FGD4: variants seen among roughly 807,000 people sequenced by gnomAD.
FGD4 encodes FYVE, RhoGEF and PH domain-containing protein 4.
FGD4 carries 42 observed loss-of-function variants against 102.0 expected under a neutral mutation model. The ratio of observed to expected loss-of-function variants is 0.41; its 90% CI spans 0.32 to 0.53. The LOEUF is 0.53. Ranked by LOEUF, FGD4 falls within the 20% of genes least tolerant of loss-of-function variation. The pLI is 0.21. For missense variants in FGD4, 902 were observed against 1,078.2 expected (o/e 0.84, Z 2.29); for synonymous variants, 380 against 375.7 (o/e 1.01, Z -0.13).
chr12:32,586,128 A>G (rs150168513), intron 4 of FGD4, among the ~76,000 whole-genome samples: 1 of 152,336 alleles, frequency 6.6e-6, no homozygotes. Flanking sequence ...GATTTAGAAG[A>G]GTAAGCTAAG....
intron 1 of FGD4, among the ~76,000 whole-genome samples, chr12:32,488,118 C>T (rs1943968110): frequency 6.8e-6 from 1 of 147,784 alleles, no homozygotes; most frequent in Admixed American, 6.8e-5. Context: ...GCTAGTTTTT[C>T]TTTGTTTTAT....
intron 1 of FGD4, among the ~76,000 whole-genome samples, chr12:32,404,023 A>G (rs979940609): frequency 4.6e-5 from 7 of 151,610 alleles, no homozygotes; most frequent in African/African-American, 1.7e-4. Flanking sequence ...GTTCCTGGCA[A>G]TGACTTTGCC....
At chr12:32,565,704 C>T (rs915539285) in intron 2 of FGD4, among the ~76,000 whole-genome samples, 1 of 152,096 alleles carries the variant, frequency 6.6e-6, no homozygotes, top group Non-Finnish European at 1.5e-5. Flanking sequence ...CCAAAATAAT[C>T]CCCTTTTTAA....
intron 4 of FGD4, among the ~76,000 whole-genome samples, chr12:32,593,351 C>T (rs1947634014): frequency 6.6e-6 from 1 of 152,130 alleles, no homozygotes; most frequent in East Asian, 1.9e-4. Flanking sequence ...TCCCAAAATC[C>T]CTAGTAACTT....
Position 32,564,167 on chromosome 12 carries a change from T to C in FGD4, c.197T>C (p.Val66Ala). The C allele has an allele frequency of 1.3e-6, 2 of 1,536,120 alleles. No homozygotes were observed. The highest frequency in any genetic ancestry group is 1.7e-6 in the Non-Finnish European group (2 of 1,146,900). The change falls in exon 2 of 17, where the codon GTT (valine) becomes GCT (alanine). Residue 66 changes from valine (V) to alanine (A), a missense_variant. Transcript: ENST00000534526. ...GSSTCPKIALVPPCSTSSTTT... is the reference protein window; with the variant it reads ...GSSTCPKIALAPPCSTSSTTT... ...AGTACCTGTCCAAAGATCGCTTTAG[T>C]TCCACCTTGCTCCACAAGCAGCACA...
chr12:32,419,147 G>A (rs1379829305), intron 1 of FGD4, among the ~76,000 whole-genome samples: 2 of 152,124 alleles, frequency 1.3e-5, no homozygotes, highest in Non-Finnish European at 2.9e-5. Flanking sequence ...GCCTAGGCCT[G>A]GACTCAGTGA....
chr12:32,530,775 G>C (rs1941708689), intron 1 of FGD4, among the ~76,000 whole-genome samples: 1 of 151,886 alleles, frequency 6.6e-6, no homozygotes, highest in South Asian at 2.1e-4. Flanking sequence ...ATAATGTATG[G>C]GGAATTAATT....
At chr12:32,581,036 T>C (rs1018196135) in intron 3 of FGD4, among the ~76,000 whole-genome samples, 12 of 152,272 alleles carry the variant, frequency 7.9e-5, no homozygotes, top group Admixed American at 5.2e-4. Flanking sequence ...GAGTTAGTGA[T>C]GGAGAGTGCT....
intron 1 of FGD4, among the ~76,000 whole-genome samples, chr12:32,529,820 G>A (rs1172576012): frequency 1.4e-5 from 2 of 148,144 alleles, no homozygotes; most frequent in African/African-American, 5.0e-5. Context: ...TCCAGCATGG[G>A]TGACAGAGTG....
chr12:32,502,637 G>T (rs565217698), intron 1 of FGD4, among the ~76,000 whole-genome samples: 44 of 152,264 alleles, frequency 2.9e-4, no homozygotes, highest in African/African-American at 7.2e-4. Flanking sequence ...AATTACACTG[G>T]TATTCTTTCT....
intron 4 of FGD4, among the ~76,000 whole-genome samples, chr12:32,586,526 G>C (rs1947046483): frequency 6.6e-6 from 1 of 152,122 alleles, no homozygotes; most frequent in East Asian, 1.9e-4. Flanking sequence ...ATATTATCTG[G>C]CCTCAGAAAC....
intron 1 of FGD4, among the ~76,000 whole-genome samples, chr12:32,437,631 A>T (rs1157868943): frequency 6.6e-6 from 1 of 152,234 alleles, no homozygotes; most frequent in Non-Finnish European, 1.5e-5. Context: ...CTTAGAAAGT[A>T]ATGTTATATT....
At chr12:32,476,436 C>T (rs1943586483) in intron 1 of FGD4, among the ~76,000 whole-genome samples, 1 of 152,134 alleles carries the variant, frequency 6.6e-6, no homozygotes, top group South Asian at 2.1e-4. Flanking sequence ...TTCCAAGATA[C>T]CTTAATTATA....
chr12:32,470,530 C>G (rs1943389752), intron 1 of FGD4, among the ~76,000 whole-genome samples: 1 of 138,138 alleles, frequency 7.2e-6, no homozygotes, highest in African/African-American at 2.7e-5. Context: ...GTGGCATGAT[C>G]TTGGCTCATT....
intron 14 of FGD4, among the ~76,000 whole-genome samples, chr12:32,630,812 C>CAAAA (rs530800673): frequency 0.089 from 11,111 of 125,150 alleles, 1,248 homozygotes; most frequent in African/African-American, 0.28. Flanking sequence ...GAGACTATGT[C>CAAAA]AAAAAAAAAA....
chr12:32,518,971 C>T (rs950976329), intron 1 of FGD4, among the ~76,000 whole-genome samples: 8 of 151,610 alleles, frequency 5.3e-5, no homozygotes, highest in Non-Finnish European at 7.4e-5. Flanking sequence ...AAAAATTAGC[C>T]GGGTGTGGTG....
chr12:32,625,339 G>C (rs1189650761), intron 13 of FGD4, among the ~76,000 whole-genome samples: 4 of 142,912 alleles, frequency 2.8e-5, no homozygotes, highest in Admixed American at 7.4e-5. Context: ...ACACAGTCTT[G>C]GCTCACTGCA....
At chr12:32,534,401 TTATC>T in intron 1 of FGD4, 1 of 1,501,224 alleles carries the variant, frequency 6.7e-7, no homozygotes, top group Non-Finnish European at 8.8e-7. Flanking sequence ...GAGTGAGATT[TTATC>T]ACATGAACTT....
intron 1 of FGD4, among the ~76,000 whole-genome samples, chr12:32,563,330 G>A (rs1247707216): frequency 4.6e-5 from 7 of 151,260 alleles, no homozygotes; most frequent in African/African-American, 1.2e-4. Context: ...ACGGGGTCGC[G>A]GCCGGGCAGG....
Sources: allele counts gnomAD v4.1 joint callset (sites outside exome capture counted in the v4.1 genomes callset), GRCh38; gene constraint gnomAD v4.1.1; transcripts MANE v1.5; gene names NCBI Gene and HGNC (gene_info 2026-07-23, HGNC 2026-07-21).